Variants in FHOD3 observed in about 807,000 individuals in gnomAD.
The protein encoded by FHOD3 is FH1/FH2 domain-containing protein 3.
A neutral mutation model predicts 173.0 loss-of-function variants in FHOD3; 90 were observed. That is an observed-to-expected ratio of 0.52 (90% CI 0.44 to 0.62). FHOD3 has a LOEUF of 0.62. FHOD3 is among the 20% of genes least tolerant of loss of function. FHOD3 has a pLI of 0.00. For missense variants in FHOD3, 1,945 were observed against 2,034.7 expected (o/e 0.96, Z 0.85); for synonymous variants, 828 against 823.0 (o/e 1.01, Z -0.10).
At chr18:36,314,910 C>T (rs1029776629) in intron 1 of FHOD3, among the ~76,000 whole-genome samples, 1 of 152,182 alleles carries the variant, frequency 6.6e-6, no homozygotes, top group Admixed American at 6.5e-5. Context: ...TTAGCACTTG[C>T]ATTCCTGAGG....
At chr18:36,767,819 T>TAC (rs755778635) in intron 27 of FHOD3, among the ~76,000 whole-genome samples, 166 of 151,338 alleles carry the variant, frequency 1.1e-3, no homozygotes, top group African/African-American at 2.1e-3. Context: ...ATATGTCAAC[T>TAC]ACACACACAC....
chr18:36,325,585 A>G (rs1327330468), intron 1 of FHOD3, among the ~76,000 whole-genome samples: 1 of 152,208 alleles, frequency 6.6e-6, no homozygotes, highest in Middle Eastern at 3.2e-3. Flanking sequence ...CTTCAGATGC[A>G]CTAGAGCTCC....
chr18:36,419,975 C>T (rs2049903490), intron 3 of FHOD3, among the ~76,000 whole-genome samples: 1 of 152,242 alleles, frequency 6.6e-6, no homozygotes, highest in Non-Finnish European at 1.5e-5. Context: ...ACTGTATTGG[C>T]TTCCATGACT....
At chr18:36,716,950 G>GTGTGTGTGTGTA (rs1568659994) in intron 18 of FHOD3, among the ~76,000 whole-genome samples, 2 of 150,540 alleles carry the variant, frequency 1.3e-5, no homozygotes, top group African/African-American at 5.0e-5. Flanking sequence ...GTGTGTGTGT[G>GTGTGTGTGTGTA]TGTATGTGTT....
chr18:36,592,651 C>CA (rs2059262104), intron 6 of FHOD3, among the ~76,000 whole-genome samples: 1 of 152,162 alleles, frequency 6.6e-6, no homozygotes, highest in Admixed American at 6.5e-5. Flanking sequence ...GGCCAGAGCA[C>CA]TTAGGCTCTT....
At chr18:36,396,370 T>C (rs1301603612) in intron 3 of FHOD3, among the ~76,000 whole-genome samples, 1 of 152,212 alleles carries the variant, frequency 6.6e-6, no homozygotes, top group Admixed American at 6.5e-5. Context: ...TAGGTGTGTG[T>C]TAGACCTTCT....
chr18:36,592,281 T>C (rs936674523), intron 6 of FHOD3, among the ~76,000 whole-genome samples: 1 of 151,824 alleles, frequency 6.6e-6, no homozygotes, highest in African/African-American at 2.4e-5. Flanking sequence ...AGTAAAAGAG[T>C]CAGGAAGGCA....
At chr18:36,421,403 G>T (rs1055660289) in intron 3 of FHOD3, among the ~76,000 whole-genome samples, 1 of 152,130 alleles carries the variant, frequency 6.6e-6, no homozygotes, top group Admixed American at 6.5e-5. Flanking sequence ...AAGTTAGTTG[G>T]CTCTGAAAAC....
At position 36,501,924 on chromosome 18, in the gene FHOD3, T is replaced by C. The variant is rs2055051993; in HGVS notation, c.338-8T>C. ...TAATTAATTTATATGTTTTATTCTT[T>C]ATTTCAGAAAAACTATACAACTCCA... is the stretch of plus-strand genomic sequence containing the variant. On this transcript the variant is annotated splice_polypyrimidine_tract_variant and splice_region_variant and intron_variant, in intron 3 of 28. Coordinates refer to ENST00000590592, the MANE Select transcript of FHOD3 (RefSeq NM_001281740.3). The C allele has an allele frequency of 6.3e-7, 1 of 1,583,712 alleles. No individual in the cohort carries two copies. Among genetic ancestry groups the C allele is most frequent in the Non-Finnish European group, 8.6e-7 (1 of 1,160,234 alleles).
intron 3 of FHOD3, among the ~76,000 whole-genome samples, chr18:36,416,420 G>A (rs991491036): frequency 6.6e-6 from 1 of 152,174 alleles, no homozygotes; most frequent in South Asian, 2.1e-4. Context: ...AGTCCGTAAG[G>A]TCTGTCATGT....
intron 1 of FHOD3, among the ~76,000 whole-genome samples, chr18:36,329,286 C>G (rs138535809): frequency 6.6e-6 from 1 of 152,250 alleles, no homozygotes; most frequent in African/African-American, 2.4e-5. Context: ...GTGATTTGTA[C>G]CAGTCCGCCC....
At chr18:36,569,881 T>C (rs2147862133) in intron 5 of FHOD3, among the ~76,000 whole-genome samples, 1 of 152,132 alleles carries the variant, frequency 6.6e-6, no homozygotes, top group African/African-American at 2.4e-5. Context: ...TAAATGAAAA[T>C]ACAACACATC....
intron 5 of FHOD3, among the ~76,000 whole-genome samples, chr18:36,556,395 A>G (rs1429125637): frequency 1.3e-5 from 2 of 152,150 alleles, no homozygotes; most frequent in African/African-American, 4.8e-5. Flanking sequence ...GAGAGGGTCA[A>G]CATTTTGTTC....
At chr18:36,390,226 C>T (rs540240919) in intron 3 of FHOD3, among the ~76,000 whole-genome samples, 6 of 152,176 alleles carry the variant, frequency 3.9e-5, no homozygotes, top group South Asian at 4.2e-4. Context: ...GATAGGGGGA[C>T]GTGTCCACTG....
chr18:36,678,729 T>C (rs1232893644), intron 14 of FHOD3, among the ~76,000 whole-genome samples: 2 of 152,070 alleles, frequency 1.3e-5, no homozygotes, highest in Non-Finnish European at 2.9e-5. Flanking sequence ...GAGGTAGCCA[T>C]GGTTTTTCTC....
At chr18:36,438,658 T>C (rs1568272224) in intron 3 of FHOD3, among the ~76,000 whole-genome samples, 1 of 152,210 alleles carries the variant, frequency 6.6e-6, no homozygotes, top group Non-Finnish European at 1.5e-5. Flanking sequence ...TCCCCACATA[T>C]TGCTCAGGTA....
chr18:36,569,475 A>G (rs1568439184), intron 5 of FHOD3, among the ~76,000 whole-genome samples: 2 of 152,292 alleles, frequency 1.3e-5, no homozygotes, highest in East Asian at 3.9e-4. Flanking sequence ...AATAGAAAAA[A>G]TTCTGTTGTA....
intron 28 of FHOD3, among the ~76,000 whole-genome samples, chr18:36,774,274 T>G (rs1210473899): frequency 1.3e-5 from 2 of 152,210 alleles, no homozygotes; most frequent in Non-Finnish European, 2.9e-5. Flanking sequence ...GGGCATGGGC[T>G]GGGCTCTGCA....
At chr18:36,391,197 A>C (rs1241880680) in intron 3 of FHOD3, among the ~76,000 whole-genome samples, 1 of 152,214 alleles carries the variant, frequency 6.6e-6, no homozygotes. Flanking sequence ...GCAGACCTGC[A>C]GTTTGCTGAA....
Sources: gnomAD v4.1 joint callset for allele counts (sites outside exome capture counted in the v4.1 genomes callset) on GRCh38, gnomAD v4.1.1 for gene constraint, MANE v1.5 for transcripts, NCBI Gene and HGNC (gene_info 2026-07-23, HGNC 2026-07-21) for gene names.